PTPRN2: variants seen among roughly 807,000 people sequenced by gnomAD.
The protein encoded by PTPRN2 is receptor-type tyrosine-protein phosphatase N2.
A neutral mutation model predicts 118.8 loss-of-function variants in PTPRN2; 74 were observed. The ratio of observed to expected loss-of-function variants is 0.62; its 90% CI spans 0.52 to 0.76. The LOEUF is 0.76. Ranked by LOEUF, PTPRN2 falls within the 30% of genes least tolerant of loss-of-function variation. The probability of loss-of-function intolerance (pLI) is 0.00; values close to 1 mark genes in which losing one functional copy is unlikely to be tolerated. For missense variants in PTPRN2, 1,481 were observed against 1,394.4 expected (o/e 1.06, Z -0.99); for synonymous variants, 641 against 608.0 (o/e 1.05, Z -0.80).
In PTPRN2 at chr7:158,326,099, C is replaced by G. The variant is rs529316873; in HGVS notation, c.164-9167G>C. ...ACATCCAGGGCCCCACAGGCCATAC[C>G]CGCCGCAGGTCTTGAGTCTGGCAGC... On this transcript the variant is annotated intron_variant, in intron 2 of 22. Transcript: ENST00000389418. 2.0e-5 allele frequency among the ~76,000 whole-genome samples: 3 copies of G among 152,224 alleles called. No individual in the cohort carries two copies. In the East Asian group the frequency reaches 5.8e-4, roughly 29 times the overall value.
chr7:157,930,465 C>T (rs1799289943), intron 11 of PTPRN2, among the ~76,000 whole-genome samples: 1 of 152,228 alleles, frequency 6.6e-6, no homozygotes, highest in Admixed American at 6.5e-5. Context: ...AGTCAGGTTT[C>T]TGCACTGGCA....
intron 2 of PTPRN2, among the ~76,000 whole-genome samples, chr7:158,461,549 A>T (rs1362167342): frequency 6.6e-6 from 1 of 151,980 alleles, no homozygotes; most frequent in Admixed American, 6.6e-5. Context: ...GAAAATGGTG[A>T]AAAAAAATAT....
chr7:158,354,580 C>T (rs921473117), intron 2 of PTPRN2, among the ~76,000 whole-genome samples: 2 of 152,172 alleles, frequency 1.3e-5, no homozygotes, highest in African/African-American at 2.4e-5. Flanking sequence ...AAGCTCCCAA[C>T]AGCAGAGTGG....
chr7:157,853,631 G>A (rs1809458396), intron 12 of PTPRN2, among the ~76,000 whole-genome samples: 1 of 152,140 alleles, frequency 6.6e-6, no homozygotes, highest in Admixed American at 6.5e-5. Flanking sequence ...GAAGGGAACT[G>A]TCCGAGGAGC....
At chr7:158,193,347 C>T (rs1465625227) in intron 4 of PTPRN2, among the ~76,000 whole-genome samples, 1 of 152,334 alleles carries the variant, frequency 6.6e-6, no homozygotes, top group South Asian at 2.1e-4. Flanking sequence ...GCTCAGAGTC[C>T]CTGAGAAAGC....
At chr7:157,850,777 A>G (rs762408798) in intron 12 of PTPRN2, among the ~76,000 whole-genome samples, 2 of 152,188 alleles carry the variant, frequency 1.3e-5, no homozygotes, top group Non-Finnish European at 2.9e-5. Flanking sequence ...TCACACCACA[A>G]GCGGCCACGG....
At chr7:157,675,148 C>G (rs1796604128) in intron 13 of PTPRN2, among the ~76,000 whole-genome samples, 1 of 152,220 alleles carries the variant, frequency 6.6e-6, no homozygotes, top group Non-Finnish European at 1.5e-5. Flanking sequence ...TTTACTCCCT[C>G]AAGTGTCTCC....
chr7:158,217,391 A>T (rs760926112), intron 3 of PTPRN2, among the ~76,000 whole-genome samples: 16 of 152,228 alleles, frequency 1.1e-4, no homozygotes, highest in Non-Finnish European at 1.8e-4. Context: ...AAGCCAATCA[A>T]CTATATCCAA....
At chr7:157,800,982 T>TAC (rs1183340338) in intron 12 of PTPRN2, among the ~76,000 whole-genome samples, 52 of 150,492 alleles carry the variant, frequency 3.5e-4, no homozygotes, top group African/African-American at 1.1e-3. Flanking sequence ...TATATATATA[T>TAC]ACACACACAT....
At chr7:157,979,977 A>T (rs1276292445) in intron 11 of PTPRN2, among the ~76,000 whole-genome samples, 3 of 152,214 alleles carry the variant, frequency 2.0e-5, no homozygotes, top group African/African-American at 7.2e-5. Flanking sequence ...ATAGCATCAG[A>T]TAACTAATAG....
chr7:157,663,686 G>A (rs74437980), intron 13 of PTPRN2, among the ~76,000 whole-genome samples: 6,216 of 152,282 alleles, frequency 0.041, 264 homozygotes, highest in East Asian at 0.13. Context: ...ATCTCCAGAC[G>A]TGGGGGAAGC....
chr7:158,489,576 C>G lies in PTPRN2; in HGVS notation c.163+159G>C, dbSNP rs1821283331. 2.0e-5 allele frequency among the ~76,000 whole-genome samples: 3 copies of G among 152,330 alleles called. No homozygotes were observed. The South Asian group carries it at 6.2e-4, about 32-fold the overall frequency. ...ACCTCTTCTCCCCACCCACCGAGGC[C>G]GCAGCCCATGGCTCCGGGGTTCCAT... On this transcript the variant is annotated intron_variant, in intron 2 of 22. Transcript: ENST00000389418.
At chr7:157,945,457 T>G (rs1471149152) in intron 11 of PTPRN2, among the ~76,000 whole-genome samples, 2 of 152,108 alleles carry the variant, frequency 1.3e-5, no homozygotes, top group African/African-American at 2.4e-5. Flanking sequence ...CCCGTGGATG[T>G]TTCTCCAACC....
chr7:158,206,603 C>T (rs918269557), intron 3 of PTPRN2, among the ~76,000 whole-genome samples: 5 of 151,854 alleles, frequency 3.3e-5, no homozygotes, highest in Admixed American at 2.0e-4. Context: ...TCGTTTGTCT[C>T]GGAGAATGTA....
intron 12 of PTPRN2, among the ~76,000 whole-genome samples, chr7:157,688,196 ATTTGTTGAGTT>A (rs1368603585): frequency 2.0e-5 from 3 of 152,236 alleles, no homozygotes; most frequent in African/African-American, 7.2e-5. Flanking sequence ...AAAATGGGCT[ATTTGTTGAGTT>A]TTTCCAGGCA....
At chr7:157,771,901 AACAC>A (rs1218121824) in intron 12 of PTPRN2, among the ~76,000 whole-genome samples, 53 of 149,992 alleles carry the variant, frequency 3.5e-4, no homozygotes, top group East Asian at 1.4e-3. Flanking sequence ...CACAGACACA[AACAC>A]ACACAGACAA....
intron 3 of PTPRN2, among the ~76,000 whole-genome samples, chr7:158,279,132 C>T (rs1799239025): frequency 1.3e-5 from 2 of 152,342 alleles, no homozygotes; most frequent in East Asian, 1.9e-4. Context: ...GCTCTGGCAG[C>T]CTGCTTTTAT....
Position 157,990,584 on chromosome 7 carries a change from C to T in PTPRN2, c.1723+90714G>A, listed in dbSNP as rs1389774193. On this transcript the variant is annotated intron_variant, in intron 11 of 22. Transcript: ENST00000389418. This position sits in a 1 kb window ranked among gnomAD's most constrained non-coding sequence, Gnocchi z 4.3. Reference sequence around the variant, plus strand: ...CGACACAAGGCAAGGGAGGAGACATCGGTGGATGGGGGAGCAGGGCAGGCT... The same window carrying T: ...CGACACAAGGCAAGGGAGGAGACATTGGTGGATGGGGGAGCAGGGCAGGCT... Among the ~76,000 whole-genome samples, 2 of 152,044 alleles carry T rather than the reference C, an allele frequency of 1.3e-5. No individual in the cohort carries two copies. Among genetic ancestry groups the T allele is most frequent in the African/African-American group, 2.4e-5 (1 of 41,404 alleles).
intron 3 of PTPRN2, among the ~76,000 whole-genome samples, chr7:158,214,033 C>A (rs908265645): frequency 6.6e-6 from 1 of 152,050 alleles, no homozygotes; most frequent in Non-Finnish European, 1.5e-5. Flanking sequence ...CCCTGTATAC[C>A]TTAGCCCAGC....
Sources: gnomAD v4.1 joint callset for allele counts (sites outside exome capture counted in the v4.1 genomes callset) on GRCh38, gnomAD v4.1.1 for gene constraint, Gnocchi (gnomAD v3.1) non-coding constraint, MANE v1.5 for transcripts, NCBI Gene and HGNC (gene_info 2026-07-23, HGNC 2026-07-21) for gene names.